PLD2: variants seen among roughly 807,000 people sequenced by gnomAD.
PLD2 encodes choline phosphatase 2.
In PLD2, 101 loss-of-function variants were observed where a neutral mutation model predicts 119.8. The ratio of observed to expected loss-of-function variants is 0.84; its 90% CI spans 0.72 to 0.99. PLD2 has a LOEUF of 0.99. Ranked by LOEUF, PLD2 falls within the 50% of genes least tolerant of loss-of-function variation. PLD2 has a pLI of 0.00. For synonymous variants in PLD2, 494 were observed against 482.8 expected (o/e 1.02, Z -0.30); for missense variants, 1,164 against 1,226.8 (o/e 0.95, Z 0.76).
chr17:4,808,429 G>T lies in PLD2; in HGVS notation c.383+13G>T. 2 of 1,612,004 alleles carry T rather than the reference G, an allele frequency of 1.2e-6. No individual in the cohort carries two copies. Among genetic ancestry groups the T allele is most frequent in the South Asian group, 1.1e-5 (1 of 90,812 alleles). ...TCCCTCTGGCTCGGTGAGGGCGACC[G>T]GACTGCTTCCTGTAGAGGGCAGGTG... On this transcript the variant is annotated intron_variant, in intron 4 of 24. Coordinates refer to ENST00000263088, the MANE Select transcript of PLD2 (RefSeq NM_002663.5). This position sits in a 1 kb window ranked among gnomAD's most constrained non-coding sequence, Gnocchi z 4.1.
chr17:4,819,046 G>A lies in PLD2; in HGVS notation c.2174-38G>A. Reference sequence around the variant, plus strand: ...GGTGGGACAGGGCCCTGTGCACACAGAGCCACCTCTCACCTCACTTCCCCT... The same window carrying A: ...GGTGGGACAGGGCCCTGTGCACACAAAGCCACCTCTCACCTCACTTCCCCT... On this transcript the variant is annotated intron_variant, in intron 21 of 24. Coordinates refer to ENST00000263088, the MANE Select transcript of PLD2 (RefSeq NM_002663.5). This position sits in a 1 kb window ranked among gnomAD's most constrained non-coding sequence, Gnocchi z 4.2. 2 of 1,611,700 alleles carry A rather than the reference G, an allele frequency of 1.2e-6. No individual in the cohort carries two copies. The highest frequency in any genetic ancestry group is 2.2e-5 in the South Asian group (2 of 90,728).
At chr17:4,820,331 G>A (rs1301150619) in intron 23 of PLD2, among the ~76,000 whole-genome samples, 2 of 150,854 alleles carry the variant, frequency 1.3e-5, no homozygotes, top group African/African-American at 2.4e-5. Flanking sequence ...GCAATGGCAC[G>A]ATCCTGGCTC....
intron 23 of PLD2, among the ~76,000 whole-genome samples, chr17:4,820,103 C>G (rs1907494787): frequency 6.6e-6 from 1 of 151,552 alleles, no homozygotes; most frequent in South Asian, 2.1e-4. Context: ...CGCCACCACG[C>G]CCAGCTAATT....
intron 13 of PLD2, 78 bp downstream of exon 13, chr17:4,815,664 C>A: frequency 6.3e-7 from 1 of 1,590,944 alleles, no homozygotes; most frequent in Non-Finnish European, 8.6e-7. Flanking sequence ...GCTCCCGCTC[C>A]CTGATGGTCT....
Position 4,823,124 on chromosome 17 carries a change from G to T in PLD2, c.*260G>T. On this transcript the variant is annotated 3_prime_UTR_variant, in exon 25 of 25. Transcript: ENST00000263088. The stretch of plus-strand genomic sequence containing the variant: ...CCAGTGCAAACCACTTCTCCATGCT[G>T]CAAAGGAGAAGCACAGCTCCTGCCA... The T allele has an allele frequency of 2.3e-6, 1 of 434,524 alleles. No individual in the cohort carries two copies. Among genetic ancestry groups the T allele is most frequent in the South Asian group, 4.8e-5 (1 of 20,738 alleles). The allele number at this position is 434,524 out of a possible 1,614,324, so 26.9% of individuals were successfully genotyped here. A position where few individuals can be genotyped will look rare whatever the true frequency, so the allele number is the denominator to read the frequency against.
Position 4,807,579 on chromosome 17 carries a change from A to C in PLD2, c.-1-193A>C. ...GGGGCGGGACTGGGATTGTGGATGA[A>C]GGACTAAGGTAGGGGATGGGGGCTC... On this transcript the variant is annotated intron_variant, in intron 1 of 24. Coordinates refer to ENST00000263088, the MANE Select transcript of PLD2 (RefSeq NM_002663.5). This position sits in a 1 kb window ranked among gnomAD's most constrained non-coding sequence, Gnocchi z 5.4. The C allele has an allele frequency of 2.2e-6, 1 of 459,290 alleles. No individual in the cohort carries two copies. 28.5% of individuals were successfully genotyped at this position (459,290 alleles called of 1,614,324 possible).
chr17:4,815,678 C>T (rs1906895767), intron 13 of PLD2, 86 bp from the exon 14 acceptor site: 1 of 1,594,096 alleles, frequency 6.3e-7, no homozygotes, highest in Admixed American at 1.7e-5. Flanking sequence ...ATGGTCTCAT[C>T]TTTCCATCTT....
intron 12 of PLD2, among the ~76,000 whole-genome samples, chr17:4,815,105 G>A (rs534995029): frequency 6.6e-6 from 1 of 152,216 alleles, no homozygotes; most frequent in East Asian, 1.9e-4. Context: ...CAGGGTGGCT[G>A]GGCAGGTGGA....
intron 10 of PLD2, among the ~76,000 whole-genome samples, chr17:4,813,924 C>G: frequency 6.6e-6 from 1 of 152,276 alleles, no homozygotes; most frequent in South Asian, 2.1e-4. Flanking sequence ...TTCCCATAGT[C>G]TATGAGAATA....
chr17:4,815,652 G>T, intron 13 of PLD2, 66 bp downstream of exon 13: 1 of 1,584,820 alleles, frequency 6.3e-7, no homozygotes, highest in Non-Finnish European at 8.7e-7. Flanking sequence ...CCAGCCCCCA[G>T]CGCTCCCGCT....
chr17:4,818,879 G>A (rs897833819), intron 21 of PLD2, 56 bp downstream of exon 21: 2 of 1,574,864 alleles, frequency 1.3e-6, no homozygotes, highest in Non-Finnish European at 1.7e-6. Context: ...GGGAGATTGG[G>A]GCGCTGCAGG....
chr17:4,814,339 C>T (rs1244457573), intron 10 of PLD2, 79 bp from the exon 11 acceptor site: 12 of 1,541,682 alleles, frequency 7.8e-6, no homozygotes, highest in African/African-American at 2.8e-5. Context: ...CTCTGACCCA[C>T]GACTGTCCTC....
chr17:4,822,635 C>T lies in PLD2; in HGVS notation c.2578-5C>T. On this transcript the variant is annotated splice_polypyrimidine_tract_variant and splice_region_variant and intron_variant, in intron 24 of 24. Coordinates refer to ENST00000263088, the MANE Select transcript of PLD2 (RefSeq NM_002663.5). ...CCTTACTGGCGTCCATGCCCCCGCC[C>T]ACAGATCTTCCGCTGCCTGCCATCC... The T allele has an allele frequency of 6.3e-7, 1 of 1,599,650 alleles. No individual in the cohort carries two copies. The highest frequency in any genetic ancestry group is 8.5e-7 in the Non-Finnish European group (1 of 1,170,074).
rs1335223322 is a variant in PLD2 at position 4,818,309 on chromosome 17, A to G, written c.1933A>G (p.Ile645Val). Residue 645 changes from isoleucine (I) to valine (V), a missense_variant, in exon 19 of 25, where the codon ATT becomes GTT. Ile to Val is a conservative substitution (Grantham distance 29). Transcript: ENST00000263088. ...HFLYIENQFF[I>V]SCSDGRTVLN... is the part of the protein sequence containing the mutation. ...ATTCTTGCCCCAGAATCAGTTCTTC[A>G]TTAGCTGCTCAGATGGGCGGACGGT... 2.5e-6 allele frequency: 4 copies of G among 1,613,942 alleles called. No individual in the cohort carries two copies. The highest frequency in any genetic ancestry group is 2.2e-5 in the East Asian group (1 of 44,876).
Position 4,818,443 on chromosome 17 carries a change from G to T in PLD2, c.2010-51G>T, listed in dbSNP as rs757012995. ...GGGTGTGGTTTGAGCCCGGTTGAAG[G>T]GGGTGGGGTTTGAGGGACCAGTCGC... On this transcript the variant is annotated intron_variant, in intron 19 of 24. Transcript: ENST00000263088. The T allele has an allele frequency of 8.7e-6, 14 of 1,604,298 alleles. No homozygotes were observed. The Admixed American group carries it at 1.7e-4, about 19-fold the overall frequency.
chr17:4,814,362 T>A, intron 10 of PLD2, 56 bp from the exon 11 acceptor site: 4 of 1,564,318 alleles, frequency 2.6e-6, no homozygotes, highest in Non-Finnish European at 3.5e-6. Flanking sequence ...GTCTTCACTC[T>A]CCAGAGCTTT....
chr17:4,818,111 G>A lies in PLD2; in HGVS notation c.1920+5G>A, dbSNP rs928443733. On this transcript the variant is annotated splice_donor_5th_base_variant and intron_variant, in intron 18 of 24. Transcript: ENST00000263088. ...CAGCACTTCCTCTACATTGAGGTCTGACTGGGAGGAGGTGGGGGAGAGCAT... is the reference window on the plus strand; with the variant it reads ...CAGCACTTCCTCTACATTGAGGTCTAACTGGGAGGAGGTGGGGGAGAGCAT... 3.1e-6 allele frequency: 5 copies of A among 1,601,588 alleles called. No homozygotes were observed. Among genetic ancestry groups the A allele is most frequent in the Admixed American group, 1.7e-5 (1 of 59,996 alleles).
rs750067639 is a variant in PLD2, at chr17:4,808,448, G to C, written c.383+32G>C. 2 of 1,603,336 alleles carry C rather than the reference G, an allele frequency of 1.2e-6. No individual in the cohort carries two copies. The highest frequency in any genetic ancestry group is 4.5e-5 in the East Asian group (2 of 44,786). ...GCGACCGGACTGCTTCCTGTAGAGG[G>C]CAGGTGCTCCCCACCCTCCTTTCTG... On this transcript the variant is annotated intron_variant, in intron 4 of 24. Coordinates refer to ENST00000263088, the MANE Select transcript of PLD2 (RefSeq NM_002663.5). This position sits in a 1 kb window ranked among gnomAD's most constrained non-coding sequence, Gnocchi z 4.1.
intron 4 of PLD2, 73 bp from the exon 5 acceptor site, chr17:4,809,027 T>C: frequency 3.4e-6 from 4 of 1,164,710 alleles, no homozygotes; most frequent in Non-Finnish European, 5.1e-6. Flanking sequence ...CCGAGCCCCA[T>C]CTCCAGTGTT....
Sources: gnomAD v4.1 joint callset for allele counts (sites outside exome capture counted in the v4.1 genomes callset) on GRCh38, gnomAD v4.1.1 for gene constraint, Gnocchi (gnomAD v3.1) non-coding constraint, MANE v1.5 for transcripts, NCBI Gene and HGNC (gene_info 2026-07-23, HGNC 2026-07-21) for gene names.